The following COX7B2 variants were observed in gnomAD, a reference collection of about 807,000 sequenced individuals.
The protein encoded by COX7B2 is cytochrome c oxidase subunit 7B2, mitochondrial.
For missense variants in COX7B2, 109 were observed against 95.9 expected (o/e 1.14, Z -0.57); for synonymous variants, 37 against 32.1 (o/e 1.15, Z -0.51).
In COX7B2 at chr4:46,799,914, G is replaced by A. The variant is rs1718561208; in HGVS notation, c.-50+45046C>T. On this transcript the variant is annotated intron_variant, in intron 2 of 2. Transcript: ENST00000355591. ...TCCTCAATTTTTGGAATAATTTCAG[G>A]AGGATTTGTAGTAGCTCTTCTTTAT... is the stretch of plus-strand genomic sequence containing the variant. Among the ~76,000 whole-genome samples, 7 of 152,092 alleles carry A rather than the reference G, an allele frequency of 4.6e-5. 1 individual carries two copies. The highest frequency in any genetic ancestry group is 4.6e-4 in the Admixed American group (7 of 15,270).
chr4:46,738,477 CT>C (rs1428931532), intron 2 of COX7B2, among the ~76,000 whole-genome samples: 3 of 152,026 alleles, frequency 2.0e-5, no homozygotes, highest in Admixed American at 6.6e-5. Flanking sequence ...TCTCTTTGCT[CT>C]TTTTCTTTTC....
chr4:46,792,472 A>G (rs1323723848), intron 2 of COX7B2, among the ~76,000 whole-genome samples: 1 of 152,204 alleles, frequency 6.6e-6, no homozygotes, highest in Non-Finnish European at 1.5e-5. Flanking sequence ...AGAAAAAGGT[A>G]AAATAAGTTT....
At chr4:46,761,751 C>T (rs1420018888) in intron 2 of COX7B2, among the ~76,000 whole-genome samples, 1 of 151,922 alleles carries the variant, frequency 6.6e-6, no homozygotes, top group African/African-American at 2.4e-5. Context: ...CTTCTCAGAC[C>T]TTTGAAAGTA....
intron 2 of COX7B2, among the ~76,000 whole-genome samples, chr4:46,812,980 C>G (rs1224631589): frequency 6.6e-6 from 1 of 152,026 alleles, no homozygotes; most frequent in East Asian, 1.9e-4. Context: ...GCTTGAGGTC[C>G]CTGGGAAATG....
chr4:46,869,430 T>C (rs900031384), intron 1 of COX7B2, among the ~76,000 whole-genome samples: 6 of 152,166 alleles, frequency 3.9e-5, no homozygotes, highest in South Asian at 2.1e-4. Context: ...AGCTAGTTAT[T>C]ATGTTGGCTT....
At chr4:46,908,597 C>T (rs1720546336) in intron 1 of COX7B2, among the ~76,000 whole-genome samples, 1 of 152,166 alleles carries the variant, frequency 6.6e-6, no homozygotes, top group Non-Finnish European at 1.5e-5. Flanking sequence ...CTACACAAAT[C>T]GCTCTGCAAC....
intron 1 of COX7B2, among the ~76,000 whole-genome samples, chr4:46,872,835 T>G (rs937603507): frequency 2.6e-5 from 4 of 152,138 alleles, no homozygotes; most frequent in Admixed American, 2.6e-4. Context: ...AATTTTTTTT[T>G]ATTATACTTT....
intron 1 of COX7B2, among the ~76,000 whole-genome samples, chr4:46,904,371 C>A (rs1371085790): frequency 6.6e-6 from 1 of 151,780 alleles, no homozygotes. Context: ...GTAATAAATT[C>A]CTAAAAATGG....
At chr4:46,888,261 C>T (rs1435175812) in intron 1 of COX7B2, among the ~76,000 whole-genome samples, 1 of 152,068 alleles carries the variant, frequency 6.6e-6, no homozygotes, top group East Asian at 1.9e-4. Context: ...GACTTCAGTC[C>T]TTTACGATTA....
chr4:46,791,815 C>T lies in COX7B2; in HGVS notation c.-50+53145G>A, dbSNP rs181815486. 1.6e-4 allele frequency among the ~76,000 whole-genome samples: 24 copies of T among 152,326 alleles called. 1 individual carries two copies. The highest frequency in any genetic ancestry group is 5.5e-4 in the African/African-American group (23 of 41,566). On this transcript the variant is annotated intron_variant, in intron 2 of 2. Coordinates refer to ENST00000355591, the MANE Select transcript of COX7B2 (RefSeq NM_130902.3). Reference sequence around the variant, plus strand: ...ATAGGACACTGAAAAAACAGGATCCCTGTATCTGTTGATTCTCTTGCCTGT... The same window carrying T: ...ATAGGACACTGAAAAAACAGGATCCTTGTATCTGTTGATTCTCTTGCCTGT...
chr4:46,761,025 C>T (rs1190975380), intron 2 of COX7B2, among the ~76,000 whole-genome samples: 1 of 152,108 alleles, frequency 6.6e-6, no homozygotes, highest in Admixed American at 6.6e-5. Flanking sequence ...CCTTTAAAGT[C>T]CTTCTGGCCT....
chr4:46,848,552 T>C (rs1256127390), intron 1 of COX7B2, among the ~76,000 whole-genome samples: 1 of 152,090 alleles, frequency 6.6e-6, no homozygotes, highest in African/African-American at 2.4e-5. Context: ...ATAGGGAGCA[T>C]ACTATTTTCC....
At chr4:46,811,747 C>T (rs115990037) in intron 2 of COX7B2, among the ~76,000 whole-genome samples, 2 of 152,134 alleles carry the variant, frequency 1.3e-5, no homozygotes, top group Non-Finnish European at 2.9e-5. Context: ...GTGCATCAGA[C>T]AGTGCAGTCA....
intron 2 of COX7B2, among the ~76,000 whole-genome samples, chr4:46,765,153 T>C (rs995824373): frequency 6.6e-6 from 1 of 151,792 alleles, no homozygotes; most frequent in Non-Finnish European, 1.5e-5. Context: ...CATCCATGCA[T>C]GAAAAAAAAC....
chr4:46,830,939 C>T (rs986209641), intron 2 of COX7B2, among the ~76,000 whole-genome samples: 12 of 152,230 alleles, frequency 7.9e-5, no homozygotes, highest in Non-Finnish European at 1.2e-4. Context: ...CCACTCTGGC[C>T]GCACTTGAGG....
chr4:46,831,557 T>C (rs1434140876), intron 2 of COX7B2, among the ~76,000 whole-genome samples: 2 of 152,202 alleles, frequency 1.3e-5, no homozygotes, highest in East Asian at 3.9e-4. Flanking sequence ...AGCTAAGGGA[T>C]TGTAAATACA....
intron 2 of COX7B2, among the ~76,000 whole-genome samples, chr4:46,814,093 G>C (rs1217741664): frequency 1.3e-5 from 2 of 152,130 alleles, no homozygotes; most frequent in Non-Finnish European, 2.9e-5. Flanking sequence ...AACCATTATG[G>C]AAAATAGCAT....
At chr4:46,879,920 T>C (rs1718606300) in intron 1 of COX7B2, among the ~76,000 whole-genome samples, 1 of 152,138 alleles carries the variant, frequency 6.6e-6, no homozygotes, top group Non-Finnish European at 1.5e-5. Flanking sequence ...TTTTCCTCTG[T>C]AGAGAGATAC....
chr4:46,817,266 C>T (rs1220654109), intron 2 of COX7B2, among the ~76,000 whole-genome samples: 1 of 152,148 alleles, frequency 6.6e-6, no homozygotes, highest in Non-Finnish European at 1.5e-5. Context: ...AGGCCCTCTG[C>T]TAAGTTATTT....
Sources: gnomAD v4.1 joint callset for allele counts (sites outside exome capture counted in the v4.1 genomes callset) on GRCh38, gnomAD v4.1.1 for gene constraint, MANE v1.5 for transcripts, NCBI Gene and HGNC (gene_info 2026-07-23, HGNC 2026-07-21) for gene names.